DCTN6: variants seen among roughly 807,000 people sequenced by gnomAD.
DCTN6 encodes dynactin 6.
In DCTN6, 15 loss-of-function variants were observed where a neutral mutation model predicts 25.8. The ratio of observed to expected loss-of-function variants is 0.58; its 90% confidence interval spans 0.39 to 0.89. The LOEUF is 0.89. DCTN6 is among the 40% of genes least tolerant of loss of function. The pLI is 0.00. For missense variants in DCTN6, 198 were observed against 237.6 expected, an observed-to-expected ratio of 0.83 and a Z score of 1.09; for synonymous variants, 64 against 78.3, an observed-to-expected ratio of 0.82 and a Z score of 0.96.
At chr8:30,156,561 G>A (rs1237899180) in intron 1 of DCTN6, among the ~76,000 whole-genome samples, 155 bp downstream of exon 1, 1 of 152,186 alleles carries the variant, frequency 6.6e-6, no homozygotes, top group African/African-American at 2.4e-5. Context: ...TGAGGGAGGG[G>A]GCGACGGAGT....
At chr8:30,167,340 C>A (rs1043836040) in intron 2 of DCTN6, among the ~76,000 whole-genome samples, 3 of 152,020 alleles carry the variant, frequency 2.0e-5, no homozygotes, top group Admixed American at 1.3e-4. Flanking sequence ...AATCTACTTT[C>A]CTTTTAGTTT....
intron 6 of DCTN6, 137 bp downstream of exon 6, chr8:30,180,767 C>T (rs1229409646): frequency 9.9e-6 from 11 of 1,109,542 alleles, no homozygotes; most frequent in African/African-American, 4.8e-5. Context: ...CTCAGTGACT[C>T]GTGCCTGGAA....
In DCTN6 at chr8:30,183,217, G is replaced by A; in HGVS notation, c.*44G>A. ...AGATAACATTTTGTCTTTGACCACT[G>A]TCTTTTGAATGGGCCCACAGTGTTT... On this transcript the variant is annotated 3_prime_UTR_variant, in exon 7 of 7. Coordinates refer to ENST00000221114, the MANE Select transcript of DCTN6 (RefSeq NM_006571.4). 1 of 1,527,568 alleles carries A rather than the reference G, an allele frequency of 6.5e-7. No individual in the cohort carries two copies. Among genetic ancestry groups the A allele is most frequent in the East Asian group, 2.3e-5 (1 of 44,220 alleles). The allele number at this position is 1,527,568 out of a possible 1,614,324, so 94.6% of individuals were successfully genotyped here.
At chr8:30,162,808 A>T (rs1455505891) in intron 1 of DCTN6, among the ~76,000 whole-genome samples, 1 of 152,228 alleles carries the variant, frequency 6.6e-6, no homozygotes, top group Non-Finnish European at 1.5e-5. Context: ...TATATATATG[A>T]GAGTAAACAG....
intron 1 of DCTN6, among the ~76,000 whole-genome samples, chr8:30,157,136 C>G (rs1243094116): frequency 6.6e-6 from 1 of 152,154 alleles, no homozygotes; most frequent in Non-Finnish European, 1.5e-5. Context: ...TGTTATTTCC[C>G]TCTTTATGTT....
intron 2 of DCTN6, among the ~76,000 whole-genome samples, chr8:30,171,953 GTGTCT>G (rs1803769356): frequency 6.6e-6 from 1 of 152,166 alleles, no homozygotes; most frequent in Non-Finnish European, 1.5e-5. Flanking sequence ...ATAGAGTCCG[GTGTCT>G]AGACTCTCTA....
chr8:30,165,174 G>A (rs559033818), intron 2 of DCTN6, among the ~76,000 whole-genome samples: 3 of 152,192 alleles, frequency 2.0e-5, no homozygotes, highest in African/African-American at 4.8e-5. Flanking sequence ...TGCTGTTAAC[G>A]CTGTCAGATC....
intron 4 of DCTN6, chr8:30,177,482 G>A (rs549411880): frequency 4.3e-4 from 95 of 220,536 alleles, no homozygotes; most frequent in African/African-American, 2.0e-3. Context: ...CGAAGCTGGC[G>A]GATCACTTGA....
intron 5 of DCTN6, 146 bp from the exon 6 acceptor site, chr8:30,180,342 G>T: frequency 1.0e-6 from 1 of 952,810 alleles, no homozygotes. Context: ...CCTCTGTGTT[G>T]TCCATACAAA....
chr8:30,156,624 G>A (rs1470372757), intron 1 of DCTN6, among the ~76,000 whole-genome samples: 2 of 151,668 alleles, frequency 1.3e-5, no homozygotes, highest in African/African-American at 4.8e-5. Flanking sequence ...GAAGGTTTTT[G>A]TTCCTGTCTG....
chr8:30,158,491 A>G (rs980820184), intron 1 of DCTN6, among the ~76,000 whole-genome samples: 1 of 152,106 alleles, frequency 6.6e-6, no homozygotes, highest in African/African-American at 2.4e-5. Context: ...TTTCCAGAAA[A>G]CTTTCAACTA....
chr8:30,161,240 A>G (rs1306396101), intron 1 of DCTN6, among the ~76,000 whole-genome samples: 1 of 152,038 alleles, frequency 6.6e-6, no homozygotes, highest in African/African-American at 2.4e-5. Context: ...CATGATTGTA[A>G]GTTTCCTGAG....
At chr8:30,166,626 C>T (rs945165326) in intron 2 of DCTN6, among the ~76,000 whole-genome samples, 1 of 152,060 alleles carries the variant, frequency 6.6e-6, no homozygotes, top group East Asian at 1.9e-4. Context: ...AGGCATTATC[C>T]TGTGCAAGGA....
rs200674335 is a variant in DCTN6 at position 30,175,174 on chromosome 8, G to T, written c.178G>T (p.Ala60Ser). 2.5e-5 allele frequency: 40 copies of T among 1,613,728 alleles called. No individual in the cohort carries two copies. Among genetic ancestry groups the T allele is most frequent in the Middle Eastern group, 1.6e-4 (1 of 6,084 alleles). The change falls in exon 3 of 7, where the codon GCC becomes TCC. Residue 60 changes from alanine to serine, a missense_variant. By Grantham distance (99) the Ala-to-Ser change is moderately conservative. Transcript: ENST00000221114. ...IGEGNLIEEQ[A>S]LIINAYPDNI... is the part of the protein sequence containing the mutation. ...CGAAGGGAACCTAATAGAAGAACAG[G>T]CCCTTATCATAAATGCGTAAGACTC... is the stretch of plus-strand genomic sequence containing the variant.
chr8:30,177,220 C>G lies in DCTN6; in HGVS notation c.283+6C>G. The G allele has an allele frequency of 6.2e-7, 1 of 1,608,534 alleles. No homozygotes were observed. Among genetic ancestry groups the G allele is most frequent in the South Asian group, 1.1e-5 (1 of 90,622 alleles). On this transcript the variant is annotated splice_donor_region_variant and intron_variant, in intron 4 of 6. Transcript: ENST00000221114. ...TGTGTTTGAAGTTGGCTGTTGTATCCTTTACAATAATCTACCATAAATAAT... is the reference window on the plus strand; with the variant it reads ...TGTGTTTGAAGTTGGCTGTTGTATCGTTTACAATAATCTACCATAAATAAT...
intron 4 of DCTN6, 93 bp downstream of exon 4, chr8:30,177,307 T>G: frequency 2.0e-6 from 2 of 982,282 alleles, no homozygotes; most frequent in Non-Finnish European, 3.1e-6. Context: ...TTCCTGGCTC[T>G]CCTTTAGTAC....
chr8:30,169,235 C>G (rs1803727907), intron 2 of DCTN6, among the ~76,000 whole-genome samples: 1 of 152,146 alleles, frequency 6.6e-6, no homozygotes, highest in South Asian at 2.1e-4. Context: ...ATAAAGCACT[C>G]TTACAGGTAC....
In DCTN6 at chr8:30,180,596, A is replaced by C; in HGVS notation, c.440A>C (p.Asp147Ala). 1 of 1,614,098 alleles carries C rather than the reference A, an allele frequency of 6.2e-7. No homozygotes were observed. Among genetic ancestry groups the C allele is most frequent in the Admixed American group, 1.7e-5 (1 of 60,002 alleles). The change falls in exon 6 of 7, where the codon GAC (aspartate) becomes GCC (alanine). Residue 147 changes from aspartate (D) to alanine (A), a missense_variant. Asp to Ala is a moderately radical substitution (Grantham distance 126). Transcript: ENST00000221114. The stretch of plus-strand genomic sequence containing the variant: ...GAGAATACGGTGATCTATGGTGCAG[A>C]CTGCCTTCGTCGGGTGCAGACTGAG... ...IPENTVIYGA[D>A]CLRRVQTERP...
intron 1 of DCTN6, among the ~76,000 whole-genome samples, chr8:30,159,788 G>T (rs138557928): frequency 0.013 from 1,864 of 145,766 alleles, 42 homozygotes; most frequent in East Asian, 0.056. Flanking sequence ...TTGAGACAGG[G>T]TTTCACTCCA....
Sources: allele counts gnomAD v4.1 joint callset (sites outside exome capture counted in the v4.1 genomes callset), GRCh38; gene constraint gnomAD v4.1.1; transcripts MANE v1.5; gene names NCBI Gene and HGNC (gene_info 2026-07-23, HGNC 2026-07-21).